The following OR2L13 variants were observed in gnomAD, a reference collection of about 807,000 sequenced individuals.
The protein encoded by OR2L13 is olfactory receptor 2L13.
OR2L13 carries 14 observed loss-of-function variants against 15.3 expected under a neutral mutation model. That is an observed-to-expected ratio of 0.91 (90% CI 0.60 to 1.43). OR2L13 has a LOEUF of 1.43. OR2L13 is among the 40% of genes most tolerant of loss of function. The probability of loss-of-function intolerance (pLI) is 0.00; values close to 1 mark genes in which losing one functional copy is unlikely to be tolerated. For missense variants in OR2L13, 367 were observed against 387.9 expected, an observed-to-expected ratio of 0.95 and a Z score of 0.45; for synonymous variants, 152 against 142.9, an observed-to-expected ratio of 1.06 and a Z score of -0.45.
the OR2L13 span, among the ~76,000 whole-genome samples, chr1:247,983,185 G>A: frequency 1.6e-4 from 25 of 152,116 alleles, no homozygotes; most frequent in African/African-American, 6.0e-4. Context: ...TCTATAAAAC[G>A]TCGTGGTGAT....
the OR2L13 span, among the ~76,000 whole-genome samples, chr1:247,988,953 C>T: frequency 4.6e-5 from 7 of 151,998 alleles, no homozygotes; most frequent in African/African-American, 1.7e-4. Context: ...CTTGAAGGAT[C>T]CACAAAGTCT....
chr1:247,975,646 C>T, the OR2L13 span: 23 of 1,172,632 alleles, frequency 2.0e-5, 1 homozygote, highest in East Asian at 1.2e-4. Context: ...GAGAATCTTC[C>T]CTGTGAAGAT....
the OR2L13 span, among the ~76,000 whole-genome samples, chr1:247,938,664 A>G: frequency 6.6e-6 from 1 of 152,222 alleles, no homozygotes; most frequent in African/African-American, 2.4e-5. Context: ...ACATGCACAC[A>G]TACACACTGA....
the OR2L13 span, among the ~76,000 whole-genome samples, chr1:247,978,830 C>A: frequency 0.077 from 11,661 of 151,740 alleles, 539 homozygotes; most frequent in East Asian, 0.18. Flanking sequence ...CTGACACAGG[C>A]CACTCGGACC....
the OR2L13 span, chr1:248,041,151 CA>C: frequency 6.6e-6 from 1 of 151,928 alleles, no homozygotes; most frequent in Non-Finnish European, 1.5e-5. Context: ...GTACTGGTAC[CA>C]AAACAGAAAT....
At chr1:248,064,441 C>T in the OR2L13 span, among the ~76,000 whole-genome samples, 1 of 152,176 alleles carries the variant, frequency 6.6e-6, no homozygotes, top group Non-Finnish European at 1.5e-5. Context: ...GCTTCCACAA[C>T]TCTGAGAAAT....
the OR2L13 span, among the ~76,000 whole-genome samples, chr1:247,980,485 A>C: frequency 2.6e-5 from 4 of 152,250 alleles, no homozygotes; most frequent in Admixed American, 6.5e-5. Context: ...TATAAAATGT[A>C]GGATTTCATA....
chr1:248,039,787 A>G, the OR2L13 span: 27 of 152,194 alleles, frequency 1.8e-4, no homozygotes, highest in Admixed American at 1.0e-3. Context: ...ACTGAATCTA[A>G]TTGAATATTA....
At chr1:248,038,247 G>A in the OR2L13 span, 5 of 1,527,004 alleles carry the variant, frequency 3.3e-6, no homozygotes, top group Non-Finnish European at 4.5e-6. Context: ...CTCCCTTCAG[G>A]ATGGATTGTA....
the OR2L13 span, among the ~76,000 whole-genome samples, chr1:247,988,716 C>T: frequency 6.6e-6 from 1 of 152,278 alleles, no homozygotes; most frequent in African/African-American, 2.4e-5. Flanking sequence ...AAGTCGTCCA[C>T]TGATGTCTTC....
At chr1:247,965,476 C>T in the OR2L13 span, 1 of 1,613,894 alleles carries the variant, frequency 6.2e-7, no homozygotes, top group African/African-American at 1.3e-5. Context: ...CATTGCCACC[C>T]TCTTTACAGT....
the OR2L13 span, chr1:248,060,919 A>T: frequency 6.2e-7 from 1 of 1,613,926 alleles, no homozygotes; most frequent in South Asian, 1.1e-5. Flanking sequence ...TGTTCCTAAG[A>T]TGGCATCTGA....
the OR2L13 span, chr1:247,996,990 A>T: frequency 1.3e-5 from 2 of 152,212 alleles, no homozygotes; most frequent in Non-Finnish European, 2.9e-5. Context: ...GTGCATTAAT[A>T]TATCAAATTG....
chr1:248,015,418 A>G, the OR2L13 span, among the ~76,000 whole-genome samples: 18 of 152,236 alleles, frequency 1.2e-4, no homozygotes, highest in Non-Finnish European at 2.6e-4. Context: ...AGTGTTGTCA[A>G]TGTGAAATAA....
At chr1:248,035,181 T>C in the OR2L13 span, among the ~76,000 whole-genome samples, 1 of 152,040 alleles carries the variant, frequency 6.6e-6, no homozygotes, top group South Asian at 2.1e-4. Context: ...CCAGGCACGG[T>C]GGCTCATGCC....
the OR2L13 span, among the ~76,000 whole-genome samples, chr1:248,005,022 T>C: frequency 2.0e-5 from 3 of 151,962 alleles, no homozygotes; most frequent in Admixed American, 1.3e-4. Context: ...GTGGGAAGGG[T>C]GCAGGGGAGG....
the OR2L13 span, among the ~76,000 whole-genome samples, chr1:248,010,776 T>TG: frequency 7.3e-6 from 1 of 137,928 alleles, no homozygotes; most frequent in African/African-American, 2.7e-5. Flanking sequence ...TTTTTTTTTT[T>TG]TTTTTTTTTT....
chr1:248,044,172 A>G, the OR2L13 span, among the ~76,000 whole-genome samples: 2 of 152,182 alleles, frequency 1.3e-5, no homozygotes, highest in African/African-American at 4.8e-5. Context: ...CTCTGGTTCA[A>G]AAGCCTCTGA....
chr1:247,951,331 G>A, the OR2L13 span, among the ~76,000 whole-genome samples: 1 of 152,094 alleles, frequency 6.6e-6, no homozygotes, highest in Non-Finnish European at 1.5e-5. Flanking sequence ...GATGTCATTG[G>A]TATTTTGACA....
Sources: allele counts gnomAD v4.1 joint callset (sites outside exome capture counted in the v4.1 genomes callset), GRCh38; gene constraint gnomAD v4.1.1; transcripts MANE v1.5; gene names NCBI Gene and HGNC (gene_info 2026-07-23, HGNC 2026-07-21).